Variants in PAN2 observed in about 807,000 individuals in gnomAD.
PAN2 encodes poly(A) specific ribonuclease subunit PAN2, also known as PAN2-PAN3 deadenylation complex catalytic subunit PAN2.
PAN2 carries 68 observed loss-of-function variants against 133.3 expected under a neutral mutation model. The ratio of observed to expected loss-of-function variants is 0.51; its 90% CI spans 0.42 to 0.62. PAN2 has a LOEUF of 0.62. PAN2 is among the 20% of genes least tolerant of loss of function. PAN2 has a pLI of 0.00. For synonymous variants in PAN2, 462 were observed against 544.6 expected (o/e 0.85, Z 2.11); for missense variants, 1,042 against 1,500.5 (o/e 0.69, Z 5.05).
At chr12:56,324,790 A>T (rs1463629709) in intron 10 of PAN2, 81 bp from the exon 11 acceptor site, 19 of 1,524,548 alleles carry the variant, frequency 1.2e-5, no homozygotes, top group Non-Finnish European at 1.6e-5. Flanking sequence ...GAGCTGGTGG[A>T]GAAAATGTCC....
At chr12:56,326,490 A>G in intron 7 of PAN2, 81 bp from the exon 8 acceptor site, 1 of 1,514,070 alleles carries the variant, frequency 6.6e-7, no homozygotes, top group African/African-American at 1.4e-5. Flanking sequence ...GTCCAGAGAA[A>G]AAGAAAATAC....
chr12:56,326,516 A>C lies in PAN2; in HGVS notation c.1262+101T>G, dbSNP rs1478161096. On this transcript the variant is annotated intron_variant, in intron 7 of 25. Coordinates refer to ENST00000440411, the MANE Select transcript of PAN2 (RefSeq NM_014871.6). ...AAGAAAATACTGAAGGTAGACAAAA[A>C]TCAGGAAAGTAGTAGAATAACAACA... 4 of 1,505,878 alleles carry C rather than the reference A, an allele frequency of 2.7e-6. No individual in the cohort carries two copies. The East Asian group carries it at 9.9e-5, about 37-fold the overall frequency. 93.3% of individuals were successfully genotyped at this position (1,505,878 alleles called of 1,614,324 possible).
chr12:56,319,819 C>T lies in PAN2; in HGVS notation c.2946+45G>A. On this transcript the variant is annotated intron_variant, in intron 21 of 25. Coordinates refer to ENST00000440411, the MANE Select transcript of PAN2 (RefSeq NM_014871.6). This position sits in a 1 kb window ranked among gnomAD's most constrained non-coding sequence, Gnocchi z 5.4. ...GAGAAATGCTTACAACTCCTAATAT[C>T]CTCAGCGTTCTCTTCCAATGCCCCA... 1.9e-6 allele frequency: 3 copies of T among 1,613,516 alleles called. No individual in the cohort carries two copies. The highest frequency in any genetic ancestry group is 1.1e-5 in the South Asian group (1 of 91,000).
chr12:56,331,783 G>A (rs1475733024), intron 2 of PAN2, among the ~76,000 whole-genome samples: 5 of 150,138 alleles, frequency 3.3e-5, no homozygotes, highest in African/African-American at 9.8e-5. Context: ...GCGTGATCTC[G>A]GCTCACTGCA....
chr12:56,324,247 A>G, intron 12 of PAN2, 47 bp downstream of exon 12: 1 of 1,610,904 alleles, frequency 6.2e-7, no homozygotes, highest in Non-Finnish European at 8.5e-7. Context: ...TAAATCACAG[A>G]GGGGCCTGTC....
chr12:56,319,293 A>G lies in PAN2; in HGVS notation c.3270+15T>C, dbSNP rs1461545460. 1 of 1,612,302 alleles carries G rather than the reference A, an allele frequency of 6.2e-7. No homozygotes were observed. Among genetic ancestry groups the G allele is most frequent in the East Asian group, 2.2e-5 (1 of 44,870 alleles). ...CCACTCTCACAAGAAGACTCTTAAA[A>G]GAGCCCTGCCAAACCATCAGGTTGA... On this transcript the variant is annotated intron_variant, in intron 23 of 25. Transcript: ENST00000440411. This position sits in a 1 kb window ranked among gnomAD's most constrained non-coding sequence, Gnocchi z 5.4.
chr12:56,327,849 G>C lies in PAN2; in HGVS notation c.651+146C>G. On this transcript the variant is annotated intron_variant, in intron 5 of 25. Transcript: ENST00000440411. ...CAAGCTGCAAAATAATCTCATAGTA[G>C]AACATCACTGAGTAGGAAGTGAATT... is the stretch of plus-strand genomic sequence containing the variant. 2.1e-6 allele frequency: 3 copies of C among 1,409,632 alleles called. No individual in the cohort carries two copies. In the South Asian group the frequency reaches 4.4e-5, roughly 20 times the overall value. 87.3% of individuals were successfully genotyped at this position (1,409,632 alleles called of 1,614,324 possible).
intron 24 of PAN2, 176 bp from the exon 25 acceptor site, chr12:56,318,610 C>G (rs1459928989): frequency 3.4e-6 from 2 of 590,818 alleles, no homozygotes; most frequent in East Asian, 5.6e-5. Context: ...CCATTAGTAA[C>G]TGTCACCACT....
In PAN2 at chr12:56,323,572, C is replaced by T. The variant is rs1235362507; in HGVS notation, c.2199G>A (p.Leu733=). 1.9e-6 allele frequency: 3 copies of T among 1,614,046 alleles called. No individual in the cohort carries two copies. Among genetic ancestry groups the T allele is most frequent in the Non-Finnish European group, 2.5e-6 (3 of 1,180,014 alleles). Residue 733 remains leucine (L), a synonymous_variant, in exon 15 of 26, where the codon CTG becomes CTA. Transcript: ENST00000440411. ...CACAATTGATGACAAGAATATCTGG[C>T]AGATGGCGGATGTTGCGGGTCTGAA... ...PTIQTRNIRH[L]PDILVINCEV...
At position 56,326,748 on chromosome 12, in the gene PAN2, C is replaced by T. The variant is rs372105091; in HGVS notation, c.1131G>A (p.Pro377=). 2.5e-4 allele frequency: 407 copies of T among 1,614,038 alleles called. No individual in the cohort carries two copies. Among genetic ancestry groups the T allele is most frequent in the Non-Finnish European group, 3.1e-4 (370 of 1,180,032 alleles). ...PYSRETEFAL[P]CLVDSLPPLD... Reference sequence around the variant, plus strand: ...GAGGAGGCAGTGAGTCCACGAGACACGGCAAAGCAAACTCAGTCTCACGGG... The same window carrying T: ...GAGGAGGCAGTGAGTCCACGAGACATGGCAAAGCAAACTCAGTCTCACGGG... The change falls in exon 7 of 26, where the codon CCG becomes CCA. Residue 377 remains proline (P), a synonymous_variant. Coordinates refer to ENST00000440411, the MANE Select transcript of PAN2 (RefSeq NM_014871.6).
At chr12:56,328,189 C>G in intron 4 of PAN2, 49 bp downstream of exon 4, 1 of 1,593,040 alleles carries the variant, frequency 6.3e-7, no homozygotes, top group Non-Finnish European at 8.6e-7. Flanking sequence ...ACCCTGCCCC[C>G]GCAACAACCT....
intron 2 of PAN2, among the ~76,000 whole-genome samples, chr12:56,330,526 A>AT (rs1329124605): frequency 2.7e-5 from 4 of 149,776 alleles, no homozygotes; most frequent in Admixed American, 2.7e-4. Context: ...CGCCCGGCTA[A>AT]TTTTTTGTAT....
intron 2 of PAN2, among the ~76,000 whole-genome samples, chr12:56,330,572 G>A (rs1472072585): frequency 6.6e-6 from 1 of 151,170 alleles, no homozygotes; most frequent in Non-Finnish European, 1.5e-5. Context: ...TTTTAGCCGG[G>A]ATGGTCTCGA....
chr12:56,324,541 C>G (rs766326687), intron 11 of PAN2, 40 bp downstream of exon 11: 1 of 1,611,864 alleles, frequency 6.2e-7, no homozygotes, highest in South Asian at 1.1e-5. Flanking sequence ...TTGTGTCCAC[C>G]TTCCTTCCCC....
At chr12:56,331,858 C>T (rs1191798306) in intron 2 of PAN2, among the ~76,000 whole-genome samples, 1 of 152,040 alleles carries the variant, frequency 6.6e-6, no homozygotes, top group African/African-American at 2.4e-5. Flanking sequence ...GGACTACAGG[C>T]GCCTGCCACC....
chr12:56,332,956 C>T lies in PAN2; in HGVS notation c.139G>A (p.Glu47Lys). ...VELDPEGVAL[E>K]ALPVQESVHI... ...ACTGATTCCTGGACGGGAAGAGCCT[C>T]CAAGGCCACTCCCTCTGGGTCCAGC... Residue 47 changes from glutamate (E) to lysine (K), a missense_variant, in exon 2 of 26, where the codon GAG becomes AAG. Around this residue, in one of 3 missense-constraint regions of PAN2, gnomAD observed 908 missense variants for 1,223.5 expected, o/e 0.74. Transcript: ENST00000440411. 6.2e-7 allele frequency: 1 copy of T among 1,614,196 alleles called. No homozygotes were observed. Among genetic ancestry groups the T allele is most frequent in the Non-Finnish European group, 8.5e-7 (1 of 1,180,034 alleles).
At chr12:56,332,396 G>GT (rs944546671) in intron 2 of PAN2, among the ~76,000 whole-genome samples, 2 of 152,106 alleles carry the variant, frequency 1.3e-5, no homozygotes, top group Non-Finnish European at 2.9e-5. Flanking sequence ...GAGCTCAGGA[G>GT]TTTGAGACAA....
rs1565632957 is a variant in PAN2, at chr12:56,322,409, A to G, written c.2697+14T>C. 1.4e-5 allele frequency: 23 copies of G among 1,595,606 alleles called. No homozygotes were observed. Among genetic ancestry groups the G allele is most frequent in the East Asian group, 2.2e-5 (1 of 44,794 alleles). On this transcript the variant is annotated intron_variant, in intron 19 of 25. Transcript: ENST00000440411. Reference sequence around the variant, plus strand: ...GGGGAAATGAAAGAAGAAACAGAACATGTTGCAACTAACCTTATCAATAGG... The same window carrying G: ...GGGGAAATGAAAGAAGAAACAGAACGTGTTGCAACTAACCTTATCAATAGG...
At chr12:56,323,960 C>G (rs1043898052) in intron 13 of PAN2, 47 bp from the exon 14 acceptor site, 4 of 1,606,084 alleles carry the variant, frequency 2.5e-6, no homozygotes, top group Non-Finnish European at 3.4e-6. Flanking sequence ...CCTCTACCCA[C>G]AGTTAGTCCC....
Sources: gnomAD v4.1 joint callset for allele counts (sites outside exome capture counted in the v4.1 genomes callset) on GRCh38, gnomAD v4.1.1 for gene constraint, gnomAD v4.1.1 regional missense constraint, Gnocchi (gnomAD v3.1) non-coding constraint, MANE v1.5 for transcripts, NCBI Gene and HGNC (gene_info 2026-07-23, HGNC 2026-07-21) for gene names.